The following SETD1B variants were observed in gnomAD, a reference collection of about 807,000 sequenced individuals.
SETD1B encodes SET domain containing 1B, histone lysine methyltransferase, also known as histone-lysine N-methyltransferase SETD1B.
A neutral mutation model predicts 148.0 loss-of-function variants in SETD1B; 7 were observed. The observed-to-expected ratio is 0.05, with a 90% CI of 0.03 to 0.09. SETD1B has a LOEUF of 0.09. Among genes scored for constraint, SETD1B ranks in the 10% least tolerant of loss-of-function variants. The probability of loss-of-function intolerance (pLI) is 1.00; values close to 1 mark genes in which losing one functional copy is unlikely to be tolerated. For missense variants in SETD1B, 2,155 were observed against 2,729.9 expected (o/e 0.79, Z 4.69); for synonymous variants, 1,361 against 1,186.5 (o/e 1.15, Z -3.02).
rs1381986619 is a variant in SETD1B at position 121,825,242 on chromosome 12, G to T, written c.5213G>T (p.Gly1738Val). 2.1e-5 allele frequency: 33 copies of T among 1,551,538 alleles called. No individual in the cohort carries two copies. The highest frequency in any genetic ancestry group is 2.7e-5 in the African/African-American group (2 of 73,050). The change falls in exon 13 of 17, where the codon GGC becomes GTC. Residue 1738 changes from glycine to valine, a missense_variant. Physicochemically the swap from Gly to Val is moderately radical, Grantham distance 109. Transcript: ENST00000604567. ...GCTAAGAAGAAGAAACGGGACGATG[G>T]CATCCGCGAGCACGTGACGGGCTGT... ...SSAKKKKRDD[G>V]IREHVTGCAR...
the SETD1B span, among the ~76,000 whole-genome samples, chr12:121,796,718 C>T: frequency 6.6e-6 from 1 of 152,228 alleles, no homozygotes; most frequent in Non-Finnish European, 1.5e-5. Context: ...AAGTTCCCGT[C>T]ACAAAAGCCA....
chr12:121,810,406 G>A lies in SETD1B; in HGVS notation c.1461G>A (p.Ser487=), dbSNP rs892913761. 18 of 1,548,862 alleles carry A rather than the reference G, an allele frequency of 1.2e-5. No individual in the cohort carries two copies. The East Asian group carries it at 2.2e-4, about 19-fold the overall frequency. Residue 487 remains serine (S), a synonymous_variant, in exon 6 of 17, where the codon TCG becomes TCA. Transcript: ENST00000604567. The surrounding 1 kb of genome is among the most constrained non-coding windows in gnomAD (Gnocchi z 7.6). ...CDSPGTPTLE[S]SPAGPEKPHD... The stretch of plus-strand genomic sequence containing the variant: ...GCCCTGGCACGCCCACGCTGGAGTC[G>A]TCCCCTGCAGGGCCAGAGAAACCCC...
Position 121,817,661 on chromosome 12 carries a change from G to A in SETD1B, c.3269G>A (p.Arg1090Lys). The change falls in exon 9 of 17, where the codon AGG (arginine) becomes AAG (lysine). Residue 1090 changes from arginine (R) to lysine (K), a missense_variant. By Grantham distance (26) the Arg-to-Lys change is conservative (BLOSUM62 2). Transcript: ENST00000604567. The surrounding 1 kb of genome is among the most constrained non-coding windows in gnomAD (Gnocchi z 8.1). ...AEEEEEEEVP[R>K]SQLSSSSTSS... ...GAGGAGGAGGAGGAGGAAGTCCCCA[G>A]GAGCCAGCTCTCCTCCTCCTCAACC... 6.4e-7 allele frequency: 1 copy of A among 1,550,914 alleles called. No homozygotes were observed. The highest frequency in any genetic ancestry group is 8.7e-7 in the Non-Finnish European group (1 of 1,146,754).
intron 10 of SETD1B, among the ~76,000 whole-genome samples, 171 bp downstream of exon 10, chr12:121,818,075 G>A (rs1876386704): frequency 6.6e-6 from 1 of 152,306 alleles, no homozygotes. Context: ...AGGGAGTGCC[G>A]TGAACATAAT....
intron 13 of SETD1B, 146 bp downstream of exon 13, chr12:121,825,512 C>T (rs930530158): frequency 8.4e-5 from 26 of 310,752 alleles, no homozygotes; most frequent in Admixed American, 2.8e-4. Flanking sequence ...AGGGGAGAGG[C>T]GGGTGGGCGG....
Position 121,830,342 on chromosome 12 carries a change from G to A in SETD1B, c.*103G>A. 1 of 1,181,106 alleles carries A rather than the reference G, an allele frequency of 8.5e-7. No homozygotes were observed. Among genetic ancestry groups the A allele is most frequent in the Non-Finnish European group, 1.2e-6 (1 of 854,110 alleles). The allele number at this position is 1,181,106 out of a possible 1,614,324, so 73.2% of individuals were successfully genotyped here. A position where few individuals can be genotyped will look rare whatever the true frequency, so the allele number is the denominator to read the frequency against. On this transcript the variant is annotated 3_prime_UTR_variant, in exon 17 of 17. Transcript: ENST00000604567. This position sits in a 1 kb window ranked among gnomAD's most constrained non-coding sequence, Gnocchi z 5.7. ...GCCCCCCGCGCCCGCCCCCATTTCA[G>A]GTGCTGTCCTCTACCCAGCGGCCAT...
chr12:121,819,257 A>T, intron 10 of SETD1B, 147 bp from the exon 11 acceptor site: 1 of 1,381,906 alleles, frequency 7.2e-7, no homozygotes. Context: ...GAAAAAAAAG[A>T]CTCCTAGTGA....
rs1246384486 is a variant in SETD1B at position 121,805,388 on chromosome 12, G to GA, written c.273+176dup. On this transcript the variant is annotated intron_variant, in intron 3 of 16. Transcript: ENST00000604567. The surrounding 1 kb of genome is among the most constrained non-coding windows in gnomAD (Gnocchi z 4.2). ...GAGAGGGTGTCCCCTCTCAGCTACTGAAAACAAAATAACACTGGGTGAAAC... is the reference window on the plus strand; with the variant it reads ...GAGAGGGTGTCCCCTCTCAGCTACTGAAAAACAAAATAACACTGGGTGAAAC... Among the ~76,000 whole-genome samples the GA allele has an allele frequency of 2.0e-5, 3 of 152,144 alleles. No homozygotes were observed.
chr12:121,810,505 G>T lies in SETD1B; in HGVS notation c.1560G>T (p.Pro520=). The change falls in exon 6 of 17, where the codon CCG becomes CCT. Residue 520 remains proline (P), a synonymous_variant. Transcript: ENST00000604567. The surrounding 1 kb of genome is among the most constrained non-coding windows in gnomAD (Gnocchi z 7.6). ...CCAAGCTGCTCTTCCTGAGGGAGCC[G>T]GACTCGGACACCGAGCTGCAGATGG... ...QRTKLLFLRE[P]DSDTELQMEG... is the part of the protein sequence containing the mutation. 1 of 1,546,412 alleles carries T rather than the reference G, an allele frequency of 6.5e-7. No homozygotes were observed.
rs1408959783 is a variant in SETD1B, at chr12:121,809,707, G to A, written c.762G>A (p.Gln254=). 6.4e-7 allele frequency: 1 copy of A among 1,551,446 alleles called. No homozygotes were observed. The highest frequency in any genetic ancestry group is 2.4e-5 in the East Asian group (1 of 40,928). The stretch of plus-strand genomic sequence containing the variant: ...ATAGCGGTGGGACACCCTTCTCCCA[G>A]GACACAGCTTATTCCAGCTGCCGCC... ...TPNSGGTPFS[Q]DTAYSSCRLD... The change falls in exon 6 of 17, where the codon CAG becomes CAA. Residue 254 remains glutamine (Q), a synonymous_variant. Coordinates refer to ENST00000604567, the MANE Select transcript of SETD1B (RefSeq NM_001353345.2).
intron 6 of SETD1B, among the ~76,000 whole-genome samples, chr12:121,811,642 C>T (rs1025968551): frequency 6.6e-6 from 1 of 152,144 alleles, no homozygotes; most frequent in African/African-American, 2.4e-5. Context: ...TCGGTCCAGG[C>T]ACCTGCCTTG....
At chr12:121,806,648 A>G (rs750542727) in intron 4 of SETD1B, among the ~76,000 whole-genome samples, 5 of 152,322 alleles carry the variant, frequency 3.3e-5, no homozygotes, top group South Asian at 4.1e-4. Flanking sequence ...GGTTCTCGAC[A>G]GAGCCGCCGG....
At chr12:121,798,802 G>A in the SETD1B span, among the ~76,000 whole-genome samples, 1 of 152,192 alleles carries the variant, frequency 6.6e-6, no homozygotes, top group East Asian at 1.9e-4. Context: ...ATCACAAGGA[G>A]GGGGGCTCCG....
chr12:121,810,352 C>T lies in SETD1B; in HGVS notation c.1407C>T (p.Thr469=), dbSNP rs769349205. 6 of 1,546,820 alleles carry T rather than the reference C, an allele frequency of 3.9e-6. No homozygotes were observed. The African/African-American group carries it at 4.1e-5, about 11-fold the overall frequency. ...TNSMELGGRP[T]FGWSPEPCDS... is the part of the protein sequence containing the mutation. ...GCATGGAGCTGGGCGGCCGGCCCAC[C>T]TTCGGCTGGAGTCCTGAGCCCTGTG... Residue 469 remains threonine (T), a synonymous_variant, in exon 6 of 17, where the codon ACC becomes ACT. Transcript: ENST00000604567. This position sits in a 1 kb window ranked among gnomAD's most constrained non-coding sequence, Gnocchi z 7.6.
At position 121,832,312 on chromosome 12, in the gene SETD1B, C is replaced by G. The variant is rs575327066; in HGVS notation, c.*2073C>G. 1.3e-5 allele frequency: 2 copies of G among 153,326 alleles called. No individual in the cohort carries two copies. The highest frequency in any genetic ancestry group is 2.9e-5 in the Non-Finnish European group (2 of 68,818). 9.5% of individuals were successfully genotyped at this position (153,326 alleles called of 1,614,324 possible). ...ACTAGACCTCCCTCTCCCCAGGAGC[C>G]CCAGCCCCAGAGTGGTTTGCAATAA... On this transcript the variant is annotated 3_prime_UTR_variant, in exon 17 of 17. Coordinates refer to ENST00000604567, the MANE Select transcript of SETD1B (RefSeq NM_001353345.2).
At chr12:121,802,444 A>AT (rs1566542683), upstream of SETD1B, 1 of 152,248 alleles carries the variant, frequency 6.6e-6, no homozygotes, top group East Asian at 1.9e-4. Context: ...AGCTATATAC[A>AT]TTTAAAACAT....
Position 121,819,798 on chromosome 12 carries a change from A to G in SETD1B, c.3813A>G (p.Glu1271=), listed in dbSNP as rs1330868227. The change falls in exon 11 of 17, where the codon GAA becomes GAG. Residue 1271 remains glutamate, a synonymous_variant. Transcript: ENST00000604567. The part of the protein sequence containing the change: ...EPADSREPPE[E]PGLSQEGAML... ...CGGACTCCAGGGAGCCGCCTGAGGA[A>G]CCAGGCCTGAGCCAGGAAGGGGCCA... 3 of 1,551,524 alleles carry G rather than the reference A, an allele frequency of 1.9e-6. No homozygotes were observed. The highest frequency in any genetic ancestry group is 1.2e-5 in the South Asian group (1 of 84,052).
In SETD1B at chr12:121,808,114, G is replaced by T; in HGVS notation, c.545-94G>T. On this transcript the variant is annotated intron_variant, in intron 4 of 16. Transcript: ENST00000604567. This position sits in a 1 kb window ranked among gnomAD's most constrained non-coding sequence, Gnocchi z 5.3. Reference sequence around the variant, plus strand: ...CCTAGGACTGGGGTCTCGGGCACAAGGGACCCACCAGGGTGCCACACAGGT... The same window carrying T: ...CCTAGGACTGGGGTCTCGGGCACAATGGACCCACCAGGGTGCCACACAGGT... 1.0e-6 allele frequency: 1 copy of T among 968,170 alleles called. No homozygotes were observed. Among genetic ancestry groups the T allele is most frequent in the South Asian group, 1.6e-5 (1 of 63,582 alleles). The allele number at this position is 968,170 out of a possible 1,614,324, so 60.0% of individuals were successfully genotyped here.
At chr12:121,813,404 C>T (rs1876135047) in intron 6 of SETD1B, among the ~76,000 whole-genome samples, 1 of 152,246 alleles carries the variant, frequency 6.6e-6, no homozygotes, top group African/African-American at 2.4e-5. Context: ...CCGTCTGCCG[C>T]AGAGTGAGGA....
Sources: allele counts gnomAD v4.1 joint callset (sites outside exome capture counted in the v4.1 genomes callset), GRCh38; gene constraint gnomAD v4.1.1; non-coding constraint Gnocchi (gnomAD v3.1); transcripts MANE v1.5; gene names NCBI Gene and HGNC (gene_info 2026-07-23, HGNC 2026-07-21).